The following DOCK9 variants were observed in gnomAD, a reference collection of about 807,000 sequenced individuals.
DOCK9 encodes the protein dedicator of cytokinesis protein 9.
DOCK9 carries 89 observed loss-of-function variants against 263.3 expected under a neutral mutation model. That is an observed-to-expected ratio of 0.34 (90% CI 0.28 to 0.40). The LOEUF is 0.40. Among genes scored for constraint, DOCK9 ranks in the 10% least tolerant of loss-of-function variants. DOCK9 has a pLI of 1.00. For missense variants in DOCK9, 2,140 were observed against 2,603.4 expected (o/e 0.82, Z 3.87); for synonymous variants, 976 against 973.1 (o/e 1.00, Z -0.06).
chr13:99,064,309 C>T (rs1401816661), intron 1 of DOCK9, among the ~76,000 whole-genome samples: 1 of 152,100 alleles, frequency 6.6e-6, no homozygotes, highest in Non-Finnish European at 1.5e-5. Context: ...TAACTGTTGT[C>T]ACTATATTGA....
intron 2 of DOCK9, among the ~76,000 whole-genome samples, chr13:98,944,579 C>T (rs1332025425): frequency 1.3e-5 from 2 of 152,170 alleles, no homozygotes; most frequent in African/African-American, 2.4e-5. Flanking sequence ...TGTGTGTGTC[C>T]TGCTCCCGCA....
chr13:98,892,148 T>C (rs759383956), intron 15 of DOCK9, among the ~76,000 whole-genome samples: 11 of 152,200 alleles, frequency 7.2e-5, no homozygotes, highest in Non-Finnish European at 1.5e-4. Flanking sequence ...ACTTGCAGGA[T>C]GCCTGGCCTC....
intron 2 of DOCK9, 66 bp downstream of exon 2, chr13:98,955,369 A>C: frequency 9.4e-7 from 1 of 1,059,234 alleles, no homozygotes; most frequent in Non-Finnish European, 1.4e-6. Flanking sequence ...AAATCAATAC[A>C]TAGAAAAATA....
At chr13:98,849,584 AAAAGT>A (rs1408507400) in intron 36 of DOCK9, among the ~76,000 whole-genome samples, 2 of 152,190 alleles carry the variant, frequency 1.3e-5, no homozygotes, top group African/African-American at 2.4e-5. Context: ...TCACGTTTCT[AAAAGT>A]AAAGAGCTTA....
At chr13:99,052,300 G>T (rs1484846901) in intron 1 of DOCK9, among the ~76,000 whole-genome samples, 3 of 152,020 alleles carry the variant, frequency 2.0e-5, no homozygotes, top group African/African-American at 7.2e-5. Flanking sequence ...ACTACTCACT[G>T]CCTGGCCATG....
At chr13:99,061,693 C>CCA (rs1343526699) in intron 1 of DOCK9, among the ~76,000 whole-genome samples, 1 of 152,128 alleles carries the variant, frequency 6.6e-6, no homozygotes, top group Non-Finnish European at 1.5e-5. Context: ...TCCCCACCCC[C>CCA]ACTGCTCCCA....
At chr13:98,954,838 C>G (rs2057839279) in intron 2 of DOCK9, among the ~76,000 whole-genome samples, 1 of 148,782 alleles carries the variant, frequency 6.7e-6, no homozygotes, top group Non-Finnish European at 1.5e-5. Flanking sequence ...TCAGCCCAGA[C>G]AGAGTATAGC....
chr13:98,841,396 T>C (rs896329942), intron 38 of DOCK9, among the ~76,000 whole-genome samples: 5 of 152,174 alleles, frequency 3.3e-5, no homozygotes, highest in African/African-American at 1.2e-4. Flanking sequence ...TGTAAGGATA[T>C]TACAAATGAC....
chr13:99,018,276 C>A lies in DOCK9; in HGVS notation c.130-62725G>T, dbSNP rs559793329. Among the ~76,000 whole-genome samples, 3 of 152,258 alleles carry A rather than the reference C, an allele frequency of 2.0e-5. No individual in the cohort carries two copies. The South Asian group carries it at 6.2e-4, about 32-fold the overall frequency. ...TAATGGTGTTCTCAAGAGTGGGTTT[C>A]TAATAAAAGAATGAGGTCAGTCCCC... On this transcript the variant is annotated intron_variant, in intron 1 of 32. Transcript: ENST00000427887.
chr13:99,063,668 T>C (rs916233500), intron 1 of DOCK9, among the ~76,000 whole-genome samples: 4 of 152,216 alleles, frequency 2.6e-5, no homozygotes, highest in Admixed American at 2.6e-4. Context: ...TGGGGACCAA[T>C]ACTTTTATAA....
intron 32 of DOCK9, among the ~76,000 whole-genome samples, chr13:98,861,432 C>T (rs2093867835): frequency 1.3e-5 from 2 of 152,084 alleles, no homozygotes; most frequent in Admixed American, 6.5e-5. Context: ...TCCAAAGTAC[C>T]AGGGAAAGGG....
At chr13:99,062,697 C>T (rs1380085892) in intron 1 of DOCK9, among the ~76,000 whole-genome samples, 2 of 152,198 alleles carry the variant, frequency 1.3e-5, no homozygotes, top group Non-Finnish European at 2.9e-5. Flanking sequence ...AACTTGCTTT[C>T]CTGCTTTCTC....
chr13:98,798,438 C>T (rs772309935), intron 50 of DOCK9, among the ~76,000 whole-genome samples: 10 of 152,074 alleles, frequency 6.6e-5, no homozygotes, highest in Non-Finnish European at 1.3e-4. Context: ...ACCTCTGAGC[C>T]GGGGGCAATG....
At chr13:98,809,594 C>A in intron 46 of DOCK9, 129 bp from the exon 47 acceptor site, 1 of 742,182 alleles carries the variant, frequency 1.3e-6, no homozygotes, top group East Asian at 2.8e-5. Flanking sequence ...CACATTTTGG[C>A]TGCACAACTT....
At chr13:98,964,067 G>A (rs1036521605) in intron 1 of DOCK9, among the ~76,000 whole-genome samples, 2 of 152,184 alleles carry the variant, frequency 1.3e-5, no homozygotes, top group African/African-American at 4.8e-5. Context: ...GGTATTTACT[G>A]AGCTGGTTCA....
intron 1 of DOCK9, among the ~76,000 whole-genome samples, chr13:99,049,362 T>C (rs569809230): frequency 1.2e-4 from 18 of 152,206 alleles, no homozygotes; most frequent in Non-Finnish European, 5.9e-5. Flanking sequence ...TCGGGAGGCA[T>C]GGTGTGGCCA....
chr13:98,890,524 C>T (rs1311693345), intron 15 of DOCK9, among the ~76,000 whole-genome samples: 1 of 152,212 alleles, frequency 6.6e-6, no homozygotes, highest in Non-Finnish European at 1.5e-5. Context: ...ATGACTTAGT[C>T]TTAGGAAACA....
At chr13:98,819,329 A>G (rs2092114993) in intron 45 of DOCK9, among the ~76,000 whole-genome samples, 1 of 152,234 alleles carries the variant, frequency 6.6e-6, no homozygotes, top group Admixed American at 6.5e-5. Flanking sequence ...CACACGGCAC[A>G]TGGCCAGTCT....
At chr13:99,055,051 G>C (rs930605355) in intron 1 of DOCK9, among the ~76,000 whole-genome samples, 3 of 152,150 alleles carry the variant, frequency 2.0e-5, no homozygotes, top group Non-Finnish European at 2.9e-5. Context: ...TTTGCACAAA[G>C]GTTCTGCTAT....
Sources: gnomAD v4.1 joint callset for allele counts (sites outside exome capture counted in the v4.1 genomes callset) on GRCh38, gnomAD v4.1.1 for gene constraint, MANE v1.5 for transcripts, NCBI Gene and HGNC (gene_info 2026-07-23, HGNC 2026-07-21) for gene names.